The following SGCE variants were observed in gnomAD, a reference collection of about 807,000 sequenced individuals.
SGCE encodes the protein sarcoglycan epsilon.
Under a neutral mutation model 57.8 loss-of-function variants are expected in SGCE, and 26 were observed. The ratio of observed to expected loss-of-function variants is 0.45; its 90% confidence interval spans 0.33 to 0.62. The LOEUF is 0.62. Among genes scored for constraint, SGCE ranks in the 20% least tolerant of loss-of-function variants. SGCE has a pLI of 0.02. For synonymous variants in SGCE, 183 were observed against 189.5 expected (o/e 0.97, Z 0.28); for missense variants, 468 against 548.6 (o/e 0.85, Z 1.47).
chr7:94,600,101 T>C (rs1404627158), intron 7 of SGCE: 1 of 210,770 alleles, frequency 4.7e-6, no homozygotes, highest in Non-Finnish European at 9.5e-6. Flanking sequence ...ATTACCTTAA[T>C]TGACATAGAT....
At chr7:94,592,621 C>CT (rs1797861552) in intron 9 of SGCE, among the ~76,000 whole-genome samples, 1 of 152,102 alleles carries the variant, frequency 6.6e-6, no homozygotes, top group Admixed American at 6.6e-5. Flanking sequence ...AAACTTCATT[C>CT]TTTAAGAATG....
intron 1 of SGCE, among the ~76,000 whole-genome samples, chr7:94,651,341 C>A (rs1753047130): frequency 6.6e-6 from 1 of 152,206 alleles, no homozygotes; most frequent in African/African-American, 2.4e-5. Flanking sequence ...CCTCTTAGAT[C>A]TTCATCAAAG....
chr7:94,623,847 TGCACCCCAA>T, intron 3 of SGCE: 1 of 358,498 alleles, frequency 2.8e-6, no homozygotes, highest in Non-Finnish European at 5.0e-6. Flanking sequence ...AGTACTAAAC[TGCACCCCAA>T]TCAGTCAAAA....
intron 5 of SGCE, among the ~76,000 whole-genome samples, chr7:94,616,290 T>C (rs2116861674): frequency 6.6e-6 from 1 of 152,258 alleles, no homozygotes; most frequent in East Asian, 1.9e-4. Flanking sequence ...ATGAAAAATT[T>C]TGCACTTATT....
At chr7:94,650,817 G>A (rs978636360) in intron 1 of SGCE, among the ~76,000 whole-genome samples, 3 of 152,132 alleles carry the variant, frequency 2.0e-5, no homozygotes, top group Non-Finnish European at 4.4e-5. Context: ...TCTACTTTCC[G>A]AAGCAAACAT....
intron 1 of SGCE, among the ~76,000 whole-genome samples, chr7:94,638,674 A>G (rs1454364490): frequency 6.6e-6 from 1 of 152,116 alleles, no homozygotes; most frequent in Non-Finnish European, 1.5e-5. Context: ...GTGCAAGTTC[A>G]TAATGGTAAC....
At chr7:94,624,673 T>C (rs1016429593) in intron 3 of SGCE, 1 of 153,706 alleles carries the variant, frequency 6.5e-6, no homozygotes, top group African/African-American at 2.4e-5. Flanking sequence ...AACTTAATCA[T>C]TTGAAAAGTT....
chr7:94,640,548 C>A (rs1351831558), intron 1 of SGCE, among the ~76,000 whole-genome samples: 2 of 152,194 alleles, frequency 1.3e-5, no homozygotes, highest in African/African-American at 4.8e-5. Flanking sequence ...CCATCCTATT[C>A]TCCCTTGGGC....
intron 1 of SGCE, among the ~76,000 whole-genome samples, chr7:94,635,522 A>T (rs1805491766): frequency 6.6e-6 from 1 of 152,244 alleles, no homozygotes; most frequent in South Asian, 2.1e-4. Context: ...AAAACTCTTT[A>T]TGAGATTCAG....
chr7:94,623,638 C>G (rs1387083073), intron 3 of SGCE: 2 of 494,786 alleles, frequency 4.0e-6, no homozygotes, highest in Non-Finnish European at 3.5e-6. Flanking sequence ...CAGAAAGACT[C>G]TTTCATAGAA....
At chr7:94,611,676 A>AT (rs918519089) in intron 5 of SGCE, among the ~76,000 whole-genome samples, 15 of 152,300 alleles carry the variant, frequency 9.8e-5, no homozygotes, top group East Asian at 3.9e-4. Context: ...TAAAGCTGTT[A>AT]TTTTTTTAAA....
chr7:94,600,597 G>T, intron 7 of SGCE, 49 bp downstream of exon 7: 2 of 1,365,286 alleles, frequency 1.5e-6, no homozygotes, highest in Non-Finnish European at 1.0e-6. Context: ...CTTCTATGTT[G>T]TTATCTTAGC....
chr7:94,648,525 T>C (rs1357228060), intron 1 of SGCE, among the ~76,000 whole-genome samples: 1 of 152,176 alleles, frequency 6.6e-6, no homozygotes, highest in Non-Finnish European at 1.5e-5. Flanking sequence ...AAGCTAGACT[T>C]CTAGCAGTAA....
intron 5 of SGCE, among the ~76,000 whole-genome samples, chr7:94,616,687 T>A (rs550302200): frequency 6.6e-6 from 1 of 152,304 alleles, no homozygotes; most frequent in South Asian, 2.1e-4. Flanking sequence ...TAAAAAATTG[T>A]TTCTATTACC....
intron 9 of SGCE, chr7:94,594,472 A>C (rs1293251123): frequency 6.6e-6 from 1 of 152,106 alleles, no homozygotes; most frequent in Non-Finnish European, 1.5e-5. Flanking sequence ...CATGGGACAC[A>C]AGAAAGGTCT....
chr7:94,601,460 A>AAC (rs1554344367), intron 6 of SGCE, among the ~76,000 whole-genome samples: 2 of 68,814 alleles, frequency 2.9e-5, no homozygotes, highest in Admixed American at 3.5e-4. Flanking sequence ...AAAAAAAAAA[A>AAC]AAAAAAAAAA....
chr7:94,613,602 A>G (rs1374287273), intron 5 of SGCE, among the ~76,000 whole-genome samples: 3 of 152,220 alleles, frequency 2.0e-5, no homozygotes, highest in Non-Finnish European at 4.4e-5. Flanking sequence ...TTGAGGTAAA[A>G]TGCATTTATT....
intron 4 of SGCE, chr7:94,622,097 A>AT: frequency 6.6e-6 from 1 of 152,276 alleles, no homozygotes; most frequent in South Asian, 2.1e-4. Context: ...TGTAAAAGTA[A>AT]TTTTTAACCC....
At chr7:94,628,170 G>A (rs1441374848) in intron 3 of SGCE, 32 bp downstream of exon 3, 11 of 1,463,478 alleles carry the variant, frequency 7.5e-6, no homozygotes, top group African/African-American at 1.4e-5. Context: ...ACACATATAT[G>A]TATAGTTTTG....
Sources: allele counts gnomAD v4.1 joint callset (sites outside exome capture counted in the v4.1 genomes callset), GRCh38; gene constraint gnomAD v4.1.1; transcripts MANE v1.5; gene names NCBI Gene and HGNC (gene_info 2026-07-23, HGNC 2026-07-21).